The following SETD7 variants were observed in gnomAD, a reference collection of about 807,000 sequenced individuals.
SETD7 encodes SET domain containing 7, histone lysine methyltransferase.
A neutral mutation model predicts 41.8 loss-of-function variants in SETD7; 16 were observed. The observed-to-expected ratio is 0.38, with a 90% confidence interval of 0.26 to 0.58. SETD7 has a LOEUF of 0.58. Among genes scored for constraint, SETD7 ranks in the 20% least tolerant of loss-of-function variants. The pLI, the probability that SETD7 is intolerant of heterozygous loss-of-function variation, is 0.64. For missense variants in SETD7, 346 were observed against 459.7 expected, an observed-to-expected ratio of 0.75 and a Z score of 2.26; for synonymous variants, 163 against 169.7, an observed-to-expected ratio of 0.96 and a Z score of 0.31.
At chr4:139,512,732 G>C (rs1726913930) in intron 7 of SETD7, among the ~76,000 whole-genome samples, 1 of 145,886 alleles carries the variant, frequency 6.9e-6, no homozygotes, top group African/African-American at 2.5e-5. Context: ...CATTCATTTA[G>C]AGTCTTTTTT....
In SETD7 at chr4:139,510,960, A is replaced by G. The variant is rs1008016574; in HGVS notation, c.*703T>C. On this transcript the variant is annotated 3_prime_UTR_variant, in exon 8 of 8. Coordinates refer to ENST00000274031, the MANE Select transcript of SETD7 (RefSeq NM_030648.4). ...TATTCTATAATAATACCCTGGCCCTATGAGCCAGTACTTTATATTAGGACA... is the reference window on the plus strand; with the variant it reads ...TATTCTATAATAATACCCTGGCCCTGTGAGCCAGTACTTTATATTAGGACA... 2 of 152,620 alleles carry G rather than the reference A, an allele frequency of 1.3e-5. No individual in the cohort carries two copies. The highest frequency in any genetic ancestry group is 4.8e-5 in the African/African-American group (2 of 41,452). The allele number at this position is 152,620 out of a possible 1,614,324, so 9.5% of individuals were successfully genotyped here.
chr4:139,548,643 A>G (rs1728027637), intron 1 of SETD7, among the ~76,000 whole-genome samples: 1 of 152,198 alleles, frequency 6.6e-6, no homozygotes, highest in South Asian at 2.1e-4. Flanking sequence ...AACAACAACA[A>G]TAAAAAGAAT....
Position 139,509,635 on chromosome 4 carries a change from G to A in SETD7, c.*2028C>T. Reference sequence around the variant, plus strand: ...CACAACCCACTTGATCGAGGTTAATGCAAGCCATCTTTCTCCTGAAGACAG... The same window carrying A: ...CACAACCCACTTGATCGAGGTTAATACAAGCCATCTTTCTCCTGAAGACAG... On this transcript the variant is annotated 3_prime_UTR_variant, in exon 8 of 8. Transcript: ENST00000274031. The A allele has an allele frequency of 1.1e-6, 1 of 933,568 alleles. No homozygotes were observed. The highest frequency in any genetic ancestry group is 1.3e-6 in the Non-Finnish European group (1 of 782,724). 57.8% of individuals were successfully genotyped at this position (933,568 alleles called of 1,614,324 possible). A position where few individuals can be genotyped will look rare whatever the true frequency, so the allele number is the denominator to read the frequency against.
intron 6 of SETD7, among the ~76,000 whole-genome samples, chr4:139,518,372 G>C (rs1176963264): frequency 6.6e-6 from 1 of 152,048 alleles, no homozygotes; most frequent in East Asian, 1.9e-4. Context: ...CAGATGATCT[G>C]CCCACCTTGG....
chr4:139,516,902 A>G (rs1196857225), intron 7 of SETD7, among the ~76,000 whole-genome samples: 1 of 152,172 alleles, frequency 6.6e-6, no homozygotes, highest in African/African-American at 2.4e-5. Context: ...CATACCCATT[A>G]GCACACACTC....
chr4:139,533,815 G>A (rs1283591288), intron 2 of SETD7, among the ~76,000 whole-genome samples: 1 of 152,162 alleles, frequency 6.6e-6, no homozygotes, highest in African/African-American at 2.4e-5. Flanking sequence ...TGATAGAAAT[G>A]TGGCTTAAAG....
At chr4:139,519,718 A>G (rs750020490) in intron 6 of SETD7, among the ~76,000 whole-genome samples, 49 of 152,276 alleles carry the variant, frequency 3.2e-4, no homozygotes, top group Non-Finnish European at 5.7e-4. Flanking sequence ...TGTGCTAAAA[A>G]CATTGAACTT....
chr4:139,530,286 A>C (rs922849031), intron 3 of SETD7, among the ~76,000 whole-genome samples: 42 of 151,008 alleles, frequency 2.8e-4, no homozygotes, highest in African/African-American at 1.0e-3. Context: ...CTCCAACTTG[A>C]GGATCTAGGA....
chr4:139,554,587 T>C (rs745754525), intron 1 of SETD7, among the ~76,000 whole-genome samples: 59 of 152,246 alleles, frequency 3.9e-4, no homozygotes, highest in South Asian at 2.1e-4. Context: ...TCAATGTATC[T>C]GGGCCTCACT....
chr4:139,512,386 G>A (rs575516631), intron 7 of SETD7, among the ~76,000 whole-genome samples: 10 of 152,288 alleles, frequency 6.6e-5, no homozygotes, highest in Non-Finnish European at 1.3e-4. Flanking sequence ...TTATTTTCTA[G>A]CATGAAAGTA....
downstream of SETD7, among the ~76,000 whole-genome samples, chr4:139,502,102 A>G (rs901305710): frequency 6.6e-6 from 1 of 152,218 alleles, no homozygotes; most frequent in African/African-American, 2.4e-5. Flanking sequence ...TGGGATTTCA[A>G]CCCAAGATGA....
intron 7 of SETD7, among the ~76,000 whole-genome samples, chr4:139,515,640 A>C (rs1397343582): frequency 6.6e-6 from 1 of 152,192 alleles, no homozygotes; most frequent in Non-Finnish European, 1.5e-5. Context: ...ATTTCACATG[A>C]CACATGTCCT....
chr4:139,496,349 T>C lies in SETD7; in HGVS notation c.*4A>G, dbSNP rs908287942. The stretch of plus-strand genomic sequence containing the variant: ...GAGTTCATTCCATTCGCTTTTATCT[T>C]TTCTTAATTACTCACGAACATCATT... On this transcript the variant is annotated 3_prime_UTR_variant, in exon 8 of 8. Transcript: ENST00000506866. 1.9e-5 allele frequency: 13 copies of C among 701,474 alleles called. No individual in the cohort carries two copies. The African/African-American group carries it at 1.9e-4, about 10-fold the overall frequency. 43.5% of individuals were successfully genotyped at this position (701,474 alleles called of 1,614,324 possible). A position where few individuals can be genotyped will look rare whatever the true frequency, so the allele number is the denominator to read the frequency against.
At chr4:139,547,992 A>C (rs1182142062) in intron 1 of SETD7, 4 of 152,242 alleles carry the variant, frequency 2.6e-5, no homozygotes, top group Non-Finnish European at 5.9e-5. Flanking sequence ...ATTACTATCT[A>C]CATGTTTTAC....
At chr4:139,512,479 A>AC (rs1241364453) in intron 7 of SETD7, among the ~76,000 whole-genome samples, 33 of 152,310 alleles carry the variant, frequency 2.2e-4, no homozygotes, top group Non-Finnish European at 4.3e-4. Context: ...GCATCCTATG[A>AC]AGAGAGCAGT....
intron 3 of SETD7, among the ~76,000 whole-genome samples, chr4:139,529,694 T>C (rs1727429018): frequency 6.6e-6 from 1 of 152,222 alleles, no homozygotes; most frequent in African/African-American, 2.4e-5. Flanking sequence ...AATTTTGGAT[T>C]TCTAGTGTGT....
rs1462241087 is a variant in SETD7, at chr4:139,508,947, G to A, written c.*2716C>T. On this transcript the variant is annotated 3_prime_UTR_variant, in exon 8 of 8. Transcript: ENST00000274031. ...CTTACTCCGATTCCAACCTGCCACA[G>A]AGCCTTACATTTGGGAGTATGTGTG... 1 of 152,112 alleles carries A rather than the reference G, an allele frequency of 6.6e-6. No homozygotes were observed. The highest frequency in any genetic ancestry group is 1.5e-5 in the Non-Finnish European group (1 of 68,126). 9.4% of individuals were successfully genotyped at this position (152,112 alleles called of 1,614,324 possible). A position where few individuals can be genotyped will look rare whatever the true frequency, so the allele number is the denominator to read the frequency against.
At position 139,529,319 on chromosome 4, in the gene SETD7, C is replaced by T. The variant is rs1727417560; in HGVS notation, c.373-99G>A. The T allele has an allele frequency of 9.0e-6, 8 of 888,894 alleles. No individual in the cohort carries two copies. The South Asian group carries it at 1.3e-4, about 14-fold the overall frequency. 55.1% of individuals were successfully genotyped at this position (888,894 alleles called of 1,614,324 possible). A position where few individuals can be genotyped will look rare whatever the true frequency, so the allele number is the denominator to read the frequency against. On this transcript the variant is annotated intron_variant, in intron 3 of 7. Coordinates refer to ENST00000274031, the MANE Select transcript of SETD7 (RefSeq NM_030648.4). The stretch of plus-strand genomic sequence containing the variant: ...TTCTGCAGTCCCATTATTAATATAG[C>T]ACCAGTAGGGATAATAACAGTTTAG...
intron 2 of SETD7, among the ~76,000 whole-genome samples, chr4:139,543,678 C>T (rs866844464): frequency 2.0e-5 from 3 of 151,684 alleles, no homozygotes; most frequent in Non-Finnish European, 4.4e-5. Context: ...ATTGGGTGGG[C>T]GTAGTGGCTC....
Sources: allele counts gnomAD v4.1 joint callset (sites outside exome capture counted in the v4.1 genomes callset), GRCh38; gene constraint gnomAD v4.1.1; transcripts MANE v1.5; gene names NCBI Gene and HGNC (gene_info 2026-07-23, HGNC 2026-07-21).